The following C2orf66 variants were observed in gnomAD, a reference collection of about 807,000 sequenced individuals.
The protein encoded by C2orf66 is uncharacterized protein C2orf66.
In C2orf66, 6 loss-of-function variants were observed where a neutral mutation model predicts 7.0. The ratio of observed to expected loss-of-function variants is 0.86; its 90% CI spans 0.47 to 1.69. The LOEUF (loss-of-function observed/expected upper bound fraction) is 1.69. C2orf66 is among the 40% of genes most tolerant of loss of function. The probability of loss-of-function intolerance (pLI) is 0.01; values close to 1 mark genes in which losing one functional copy is unlikely to be tolerated. For synonymous variants in C2orf66, 38 were observed against 43.8 expected (o/e 0.87, Z 0.52); for missense variants, 107 against 112.0 (o/e 0.96, Z 0.20).
chr2:196,809,184 C>T, intron 1 of C2orf66, 30 bp downstream of exon 1: 1 of 1,605,812 alleles, frequency 6.2e-7, no homozygotes, highest in Non-Finnish European at 8.5e-7. Context: ...TAGTTCTATC[C>T]TGAAACCCAG....
In C2orf66 at chr2:196,809,214, C is replaced by T; in HGVS notation, c.123G>A (p.Leu41=). The T allele has an allele frequency of 6.2e-7, 1 of 1,613,594 alleles. No individual in the cohort carries two copies. The highest frequency in any genetic ancestry group is 8.5e-7 in the Non-Finnish European group (1 of 1,179,734). Residue 41 remains leucine (L), a splice_region_variant and synonymous_variant, in exon 1 of 3, where the codon CTG becomes CTA. Coordinates refer to ENST00000342506, the MANE Select transcript of C2orf66 (RefSeq NM_213608.3). Reference sequence around the variant, plus strand: ...ACCCAGGCCCCAAGTGTGTTCTTACCAGATCTCTGTTTCTGGGGTTGTTGA... The same window carrying T: ...ACCCAGGCCCCAAGTGTGTTCTTACTAGATCTCTGTTTCTGGGGTTGTTGA... ...KPLNNPRNRD[L]FFRRLQAYFK... is the part of the protein sequence containing the mutation.
chr2:196,826,002 T>C, the C2orf66 span, among the ~76,000 whole-genome samples: 1 of 152,186 alleles, frequency 6.6e-6, no homozygotes, highest in Admixed American at 6.5e-5. Context: ...CCAGTGTAAC[T>C]ACCACAAATG....
At position 196,809,352 on chromosome 2, in the gene C2orf66, A is replaced by G; in HGVS notation, c.-16T>C. The G allele has an allele frequency of 6.2e-7, 1 of 1,613,276 alleles. No individual in the cohort carries two copies. Among genetic ancestry groups the G allele is most frequent in the Non-Finnish European group, 8.5e-7 (1 of 1,179,466 alleles). ...CTCTGGTCATGGTGGAGTGAAGCTGAGTGAAAGAGGGGATGCGGGAGCTGT... is the reference window on the plus strand; with the variant it reads ...CTCTGGTCATGGTGGAGTGAAGCTGGGTGAAAGAGGGGATGCGGGAGCTGT... On this transcript the variant is annotated 5_prime_UTR_variant, in exon 1 of 3. Transcript: ENST00000342506.
chr2:196,822,148 C>G, the C2orf66 span, among the ~76,000 whole-genome samples: 10 of 151,678 alleles, frequency 6.6e-5, no homozygotes, highest in South Asian at 8.3e-4. Flanking sequence ...CTCCTGACCT[C>G]AAAATCTGCC....
the C2orf66 span, among the ~76,000 whole-genome samples, chr2:196,829,810 T>C: frequency 1.3e-5 from 2 of 151,866 alleles, no homozygotes; most frequent in African/African-American, 2.4e-5. Context: ...GGCAGGAGAA[T>C]GGTTTGAACC....
At chr2:196,808,777 G>A (rs1699841952) in intron 1 of C2orf66, among the ~76,000 whole-genome samples, 1 of 152,062 alleles carries the variant, frequency 6.6e-6, no homozygotes, top group African/African-American at 2.4e-5. Flanking sequence ...TGATACCCAT[G>A]CAGGGTCAAC....
At chr2:196,821,822 G>T in the C2orf66 span, among the ~76,000 whole-genome samples, 1 of 150,422 alleles carries the variant, frequency 6.6e-6, no homozygotes, top group African/African-American at 2.4e-5. Context: ...AAAAAATAAG[G>T]ACAATTCAGA....
chr2:196,830,201 G>C, the C2orf66 span, among the ~76,000 whole-genome samples: 1 of 152,072 alleles, frequency 6.6e-6, no homozygotes, highest in Non-Finnish European at 1.5e-5. Context: ...ATTGACTAAG[G>C]GAATGTTCAC....
At chr2:196,822,296 T>C in the C2orf66 span, among the ~76,000 whole-genome samples, 7,602 of 152,200 alleles carry the variant, frequency 0.05, 276 homozygotes, top group Middle Eastern at 0.14. Flanking sequence ...AAAATGATAG[T>C]TCATTCCCAG....
In C2orf66 at chr2:196,805,583, G is replaced by GT. The variant is rs548393651; in HGVS notation, c.*20-176dup. Reference sequence around the variant, plus strand: ...AAATATACTCCAAATCAGAAGCTTTGTTTTTTTTTTCATAAAAGTAAATAA... The same window carrying GT: ...AAATATACTCCAAATCAGAAGCTTTGTTTTTTTTTTTCATAAAAGTAAATAA... On this transcript the variant is annotated intron_variant, in intron 2 of 2. Transcript: ENST00000342506. Among the ~76,000 whole-genome samples the GT allele has an allele frequency of 2.4e-3, 350 of 147,514 alleles. 2 individuals are homozygous for GT. The highest frequency in any genetic ancestry group is 7.3e-3 in the African/African-American group (293 of 40,266).
upstream of C2orf66, chr2:196,810,359 T>A (rs1310520155): frequency 6.6e-6 from 1 of 152,248 alleles, no homozygotes; most frequent in Non-Finnish European, 1.5e-5. Context: ...CAGAAAATTC[T>A]TTTGTGAGAG....
the C2orf66 span, among the ~76,000 whole-genome samples, chr2:196,818,904 G>A: frequency 6.6e-6 from 1 of 152,222 alleles, no homozygotes; most frequent in Non-Finnish European, 1.5e-5. Context: ...AAGCTCACAT[G>A]CATCACATCT....
Position 196,807,582 on chromosome 2 carries a change from A to G in C2orf66, c.164T>C (p.Leu55Pro). 6.2e-7 allele frequency: 1 copy of G among 1,613,848 alleles called. No individual in the cohort carries two copies. The highest frequency in any genetic ancestry group is 8.5e-7 in the Non-Finnish European group (1 of 1,179,918). Residue 55 changes from leucine (L) to proline (P), a missense_variant, in exon 2 of 3, where the codon CTT (leucine) becomes CCT (proline). Transcript: ENST00000342506. ...AGGATTTGGAAATGTTCCAAGATCAAGACCTCTGCCCTTAAAATATGCCTG... is the reference window on the plus strand; with the variant it reads ...AGGATTTGGAAATGTTCCAAGATCAGGACCTCTGCCCTTAAAATATGCCTG... Reference protein sequence around the residue: ...RLQAYFKGRGLDLGTFPNPFP... With the variant: ...RLQAYFKGRGPDLGTFPNPFP...
the C2orf66 span, among the ~76,000 whole-genome samples, chr2:196,822,182 G>A: frequency 6.6e-6 from 1 of 151,546 alleles, no homozygotes; most frequent in African/African-American, 2.4e-5. Flanking sequence ...CAAAGTGCTG[G>A]GATTACAGGC....
chr2:196,816,002 G>A, the C2orf66 span, among the ~76,000 whole-genome samples: 1 of 152,236 alleles, frequency 6.6e-6, no homozygotes, highest in African/African-American at 2.4e-5. Flanking sequence ...AATAGAGCAG[G>A]CCGGGCAGCT....
At chr2:196,821,086 A>G in the C2orf66 span, among the ~76,000 whole-genome samples, 6 of 152,146 alleles carry the variant, frequency 3.9e-5, no homozygotes, top group Non-Finnish European at 8.8e-5. Context: ...GTGAGCACAG[A>G]GCAGAGAGAG....
At chr2:196,815,266 G>C in the C2orf66 span, among the ~76,000 whole-genome samples, 2 of 152,046 alleles carry the variant, frequency 1.3e-5, no homozygotes, top group Admixed American at 6.6e-5. Flanking sequence ...ACCATGCCTG[G>C]CCAGTTTCTT....
chr2:196,831,071 AAT>A, the C2orf66 span, among the ~76,000 whole-genome samples: 1 of 152,070 alleles, frequency 6.6e-6, no homozygotes, highest in Non-Finnish European at 1.5e-5. Context: ...CAATACTCTA[AAT>A]GTTTTGCTTT....
the C2orf66 span, among the ~76,000 whole-genome samples, chr2:196,815,832 A>C: frequency 5.3e-5 from 8 of 152,326 alleles, no homozygotes; most frequent in African/African-American, 1.9e-4. Flanking sequence ...AAAAACCCAG[A>C]GCTGATACAG....
Sources: gnomAD v4.1 joint callset for allele counts (sites outside exome capture counted in the v4.1 genomes callset) on GRCh38, gnomAD v4.1.1 for gene constraint, MANE v1.5 for transcripts, NCBI Gene and HGNC (gene_info 2026-07-23, HGNC 2026-07-21) for gene names.